Variants in PASD1 observed in about 807,000 individuals in gnomAD.
PASD1 encodes circadian clock protein PASD1.
PASD1 carries 13 observed loss-of-function variants against 58.8 expected under a neutral mutation model. The observed-to-expected ratio is 0.22, with a 90% CI of 0.14 to 0.35. The LOEUF (loss-of-function observed/expected upper bound fraction) is 0.35, where lower values mean the gene tolerates loss of function less well. Ranked by LOEUF, PASD1 falls within the 10% of genes least tolerant of loss-of-function variation. PASD1 has a pLI of 1.00. For missense variants in PASD1, 734 were observed against 568.3 expected, an observed-to-expected ratio of 1.29 and a Z score of -2.96; for synonymous variants, 236 against 216.7, an observed-to-expected ratio of 1.09 and a Z score of -0.78.
intron 1 of PASD1, among the ~76,000 whole-genome samples, chrX:151,599,697 C>T (rs1428409392): frequency 9.4e-6 from 1 of 106,714 alleles, no homozygotes; most frequent in Non-Finnish European, 1.9e-5. Flanking sequence ...TCCCCACATC[C>T]CAGACAATGG....
chrX:151,564,059 G>A (rs1004661403), intron 1 of PASD1, among the ~76,000 whole-genome samples: 10 of 112,694 alleles, frequency 8.9e-5, no homozygotes, highest in Non-Finnish European at 1.9e-4. Flanking sequence ...ACACGAGGAA[G>A]ACCCCCACAT....
intron 11 of PASD1, among the ~76,000 whole-genome samples, chrX:151,667,986 C>T (rs1342882948): frequency 9.0e-6 from 1 of 111,419 alleles, no homozygotes; most frequent in African/African-American, 3.3e-5. Flanking sequence ...TGGCCATTTT[C>T]ACGATATTGA....
At chrX:151,599,275 C>T (rs2013365563) in intron 1 of PASD1, among the ~76,000 whole-genome samples, 1 of 112,935 alleles carries the variant, frequency 8.9e-6, no homozygotes, top group African/African-American at 3.2e-5. Context: ...CCACATTTCC[C>T]CCTTTTCTAT....
chrX:151,583,925 A>C (rs1355215463), intron 1 of PASD1, among the ~76,000 whole-genome samples: 1 of 112,345 alleles, frequency 8.9e-6, no homozygotes, highest in South Asian at 3.7e-4. Context: ...ATTTACTGAT[A>C]GTTCTATCAG....
Position 151,613,093 on chromosome X carries a change from G to C in PASD1, c.207+1340G>C, listed in dbSNP as rs146038886. On this transcript the variant is annotated intron_variant, in intron 4 of 15. Coordinates refer to ENST00000370357, the MANE Select transcript of PASD1 (RefSeq NM_173493.3). ...ATAGAGAATCCTTTCTCCACTTCTTGTTTTTGTCAGGTTTGTCAAAGATCG... is the reference window on the plus strand; with the variant it reads ...ATAGAGAATCCTTTCTCCACTTCTTCTTTTTGTCAGGTTTGTCAAAGATCG... Among the ~76,000 whole-genome samples, 343 of 111,930 alleles carry C rather than the reference G, an allele frequency of 3.1e-3. 1 individual carries two copies. Among genetic ancestry groups the C allele is most frequent in the African/African-American group, 0.011 (325 of 30,803 alleles).
intron 8 of PASD1, among the ~76,000 whole-genome samples, chrX:151,638,448 AAAAAG>A (rs937786216): frequency 3.6e-5 from 4 of 110,532 alleles, no homozygotes; most frequent in Non-Finnish European, 7.6e-5. Context: ...TAAAAAAAAA[AAAAAG>A]AAAAGAAAAC....
chrX:151,577,777 C>A (rs2013031375), intron 1 of PASD1, among the ~76,000 whole-genome samples: 1 of 111,767 alleles, frequency 8.9e-6, no homozygotes, highest in African/African-American at 3.3e-5. Context: ...CTGCCCGCCT[C>A]AGCCTCCCAA....
At chrX:151,669,031 C>G (rs745515126) in intron 11 of PASD1, among the ~76,000 whole-genome samples, 14 of 108,748 alleles carry the variant, frequency 1.3e-4, no homozygotes, top group African/African-American at 4.7e-4. Flanking sequence ...TGCAAGCCAC[C>G]ACACCCAGCT....
intron 9 of PASD1, among the ~76,000 whole-genome samples, chrX:151,653,592 G>T (rs1469829587): frequency 9.1e-6 from 1 of 110,191 alleles, no homozygotes; most frequent in African/African-American, 3.3e-5. Flanking sequence ...CAACTGGGAG[G>T]ATAATGTTGC....
At position 151,672,673 on chromosome X, in the gene PASD1, A is replaced by G; in HGVS notation, c.1916+12A>G. 8.3e-7 allele frequency: 1 copy of G among 1,208,581 alleles called. No individual in the cohort carries two copies. On this transcript the variant is annotated intron_variant, in intron 14 of 15. Transcript: ENST00000370357. The stretch of plus-strand genomic sequence containing the variant: ...GATGAGAGTCAAAGGTAAGACATGC[A>G]TGGAATGGTGATAGTGGCTATGATT...
At chrX:151,668,483 A>G (rs1193212276) in intron 11 of PASD1, among the ~76,000 whole-genome samples, 1 of 111,199 alleles carries the variant, frequency 9.0e-6, no homozygotes, top group Non-Finnish European at 1.9e-5. Flanking sequence ...AGAAGAAAAG[A>G]GAGAAGAATC....
At chrX:151,664,511 C>T (rs1286278486) in intron 11 of PASD1, among the ~76,000 whole-genome samples, 163 bp downstream of exon 11, 4 of 112,361 alleles carry the variant, frequency 3.6e-5, no homozygotes, top group African/African-American at 9.7e-5. Context: ...TTTCAGATGC[C>T]GTTGAGAACT....
At chrX:151,615,532 G>T (rs2013627346) in intron 4 of PASD1, among the ~76,000 whole-genome samples, 2 of 112,106 alleles carry the variant, frequency 1.8e-5, no homozygotes, top group Non-Finnish European at 3.8e-5. Context: ...CTTCCTCATT[G>T]AATCCCAACT....
chrX:151,607,102 T>A (rs755178542), intron 3 of PASD1, among the ~76,000 whole-genome samples: 1 of 112,073 alleles, frequency 8.9e-6, no homozygotes, highest in African/African-American at 3.2e-5. Context: ...TACTATTTCC[T>A]GAGTTCTGTA....
chrX:151,609,973 A>G (rs942746862), intron 3 of PASD1, among the ~76,000 whole-genome samples: 1 of 110,989 alleles, frequency 9.0e-6, no homozygotes, highest in African/African-American at 3.3e-5. Flanking sequence ...TTGTCCCAAA[A>G]CTATTTGTTT....
At chrX:151,672,755 C>T (rs1243811358) in intron 14 of PASD1, 94 bp downstream of exon 14, 2 of 1,126,721 alleles carry the variant, frequency 1.8e-6, no homozygotes, top group Middle Eastern at 3.4e-4. Context: ...GACGACCTAT[C>T]CATGTGGCAC....
chrX:151,662,668 C>T (rs1398539653), intron 10 of PASD1, among the ~76,000 whole-genome samples: 1 of 112,037 alleles, frequency 8.9e-6, no homozygotes, highest in Non-Finnish European at 1.9e-5. Flanking sequence ...ATAGTTCCTA[C>T]TCCAGCCCAG....
intron 1 of PASD1, among the ~76,000 whole-genome samples, chrX:151,570,650 T>C (rs983349610): frequency 5.4e-5 from 6 of 111,369 alleles, no homozygotes; most frequent in Admixed American, 9.5e-5. Context: ...TGTGTGGAGA[T>C]TGGGCTGTGG....
intron 9 of PASD1, among the ~76,000 whole-genome samples, chrX:151,657,480 G>A (rs192806071): frequency 3.6e-5 from 4 of 111,262 alleles, no homozygotes; most frequent in Non-Finnish European, 3.8e-5. Context: ...CTGTGAGTCC[G>A]TCTGGTCCCG....
Sources: allele counts gnomAD v4.1 joint callset (sites outside exome capture counted in the v4.1 genomes callset), GRCh38; gene constraint gnomAD v4.1.1; transcripts MANE v1.5; gene names NCBI Gene and HGNC (gene_info 2026-07-23, HGNC 2026-07-21).